Variants in AGBL4 observed in about 807,000 individuals in gnomAD.
The protein encoded by AGBL4 is AGBL carboxypeptidase 4, also known as cytosolic carboxypeptidase 6.
In AGBL4, 58 loss-of-function variants were observed where a neutral mutation model predicts 66.4. The observed-to-expected ratio is 0.87, with a 90% CI of 0.71 to 1.09. The LOEUF is 1.09. AGBL4 is among the 50% of genes least tolerant of loss of function. The probability of loss-of-function intolerance (pLI) is 0.00; values close to 1 mark genes in which losing one functional copy is unlikely to be tolerated. For synonymous variants in AGBL4, 234 were observed against 222.9 expected (o/e 1.05, Z -0.44); for missense variants, 579 against 631.0 (o/e 0.92, Z 0.88).
chr1:49,377,842 G>A (rs754360743), intron 3 of AGBL4, among the ~76,000 whole-genome samples: 2 of 152,064 alleles, frequency 1.3e-5, no homozygotes, highest in African/African-American at 4.8e-5. Flanking sequence ...GCTCCAGAGG[G>A]ATATAGTATT....
intron 4 of AGBL4, among the ~76,000 whole-genome samples, chr1:49,067,677 C>A (rs2147926208): frequency 6.6e-6 from 1 of 152,256 alleles, no homozygotes; most frequent in East Asian, 1.9e-4. Context: ...TTCTTCACAG[C>A]ACTCATCACC....
At chr1:49,871,634 G>A (rs1189786973) in intron 1 of AGBL4, among the ~76,000 whole-genome samples, 1 of 151,958 alleles carries the variant, frequency 6.6e-6, no homozygotes, top group African/African-American at 2.4e-5. Context: ...AATCATATAG[G>A]AAGCACTGTC....
chr1:48,962,572 A>T (rs1658089691), intron 5 of AGBL4, among the ~76,000 whole-genome samples: 1 of 152,146 alleles, frequency 6.6e-6, no homozygotes, highest in Admixed American at 6.5e-5. Flanking sequence ...CAGGTAGCAC[A>T]CAGTTCTTTG....
rs534196456 is a variant in AGBL4 at position 49,075,115 on chromosome 1, A to G, written c.378-29315T>C. ...AAAAATGACATTTTGTCTTTTTTGA[A>G]CATAATGTTTTTTGAACATTTGTGT... is the stretch of plus-strand genomic sequence containing the variant. On this transcript the variant is annotated intron_variant, in intron 4 of 13. Transcript: ENST00000371839. Among the ~76,000 whole-genome samples, 8 of 152,314 alleles carry G rather than the reference A, an allele frequency of 5.3e-5. No individual in the cohort carries two copies. In the East Asian group the frequency reaches 1.5e-3, roughly 29 times the overall value.
intron 5 of AGBL4, among the ~76,000 whole-genome samples, chr1:48,891,244 A>G (rs1650931393): frequency 6.6e-6 from 1 of 152,148 alleles, no homozygotes; most frequent in Non-Finnish European, 1.5e-5. Context: ...CATAGTGTGG[A>G]TCAGGTCACA....
chr1:49,824,070 G>A (rs763792516), intron 2 of AGBL4, among the ~76,000 whole-genome samples: 11 of 152,050 alleles, frequency 7.2e-5, no homozygotes, highest in Non-Finnish European at 1.2e-4. Flanking sequence ...TTAGCCAGGT[G>A]TGGTGGTGCA....
At chr1:49,074,135 G>A (rs1644665219) in intron 4 of AGBL4, among the ~76,000 whole-genome samples, 1 of 152,208 alleles carries the variant, frequency 6.6e-6, no homozygotes, top group Non-Finnish European at 1.5e-5. Context: ...CGCGCTCACA[G>A]CAAGAATTTC....
At chr1:49,321,957 A>G (rs912970740) in intron 3 of AGBL4, among the ~76,000 whole-genome samples, 5 of 152,212 alleles carry the variant, frequency 3.3e-5, no homozygotes, top group Admixed American at 1.3e-4. Context: ...TTTATTTTTC[A>G]GATGGTGTAC....
intron 1 of AGBL4, among the ~76,000 whole-genome samples, chr1:49,894,200 A>G (rs1021458718): frequency 2.6e-4 from 40 of 152,216 alleles, no homozygotes; most frequent in Non-Finnish European, 2.9e-5. Context: ...CACAGCTTAG[A>G]TCACAACACT....
chr1:49,501,783 C>T (rs933044300), intron 3 of AGBL4, among the ~76,000 whole-genome samples: 1 of 151,898 alleles, frequency 6.6e-6, no homozygotes, highest in East Asian at 1.9e-4. Context: ...TTGCTACATT[C>T]CCATAAATTT....
intron 10 of AGBL4, among the ~76,000 whole-genome samples, chr1:48,589,472 A>C (rs1169582972): frequency 1.3e-5 from 2 of 152,210 alleles, no homozygotes; most frequent in Non-Finnish European, 2.9e-5. Flanking sequence ...CATGGAAATA[A>C]CAGGCCCCAG....
intron 5 of AGBL4, among the ~76,000 whole-genome samples, chr1:48,950,664 C>G (rs1656898080): frequency 6.6e-6 from 1 of 152,126 alleles, no homozygotes; most frequent in African/African-American, 2.4e-5. Context: ...GAGCAGCCAG[C>G]TTGAGCCAAA....
At chr1:48,692,763 C>G (rs1646653548) in intron 6 of AGBL4, among the ~76,000 whole-genome samples, 2 of 152,178 alleles carry the variant, frequency 1.3e-5, no homozygotes, top group Admixed American at 6.5e-5. Context: ...TAGTGACCAC[C>G]TCTTTGGCTT....
intron 4 of AGBL4, among the ~76,000 whole-genome samples, chr1:49,197,837 C>T (rs2148222323): frequency 6.6e-6 from 1 of 152,296 alleles, no homozygotes; most frequent in South Asian, 2.1e-4. Context: ...AGAGTCCACA[C>T]TATATTCATT....
At chr1:49,937,517 C>T (rs1654208919) in intron 1 of AGBL4, among the ~76,000 whole-genome samples, 1 of 152,082 alleles carries the variant, frequency 6.6e-6, no homozygotes, top group Non-Finnish European at 1.5e-5. Context: ...AACTCTCCAC[C>T]CCAAATCAAC....
chr1:49,452,732 A>T (rs1366525387), intron 3 of AGBL4, among the ~76,000 whole-genome samples: 1 of 151,832 alleles, frequency 6.6e-6, no homozygotes, highest in Non-Finnish European at 1.5e-5. Context: ...TCCTCTTCTG[A>T]CTATGAGCTC....
At chr1:49,062,773 T>C (rs917904820) in intron 4 of AGBL4, among the ~76,000 whole-genome samples, 1 of 152,218 alleles carries the variant, frequency 6.6e-6, no homozygotes, top group Non-Finnish European at 1.5e-5. Context: ...GTTGAAATGC[T>C]GATTCAAAGG....
intron 4 of AGBL4, among the ~76,000 whole-genome samples, chr1:49,068,294 A>G (rs1357527707): frequency 6.6e-6 from 1 of 151,464 alleles, no homozygotes; most frequent in African/African-American, 2.4e-5. Context: ...GGTTTGTTAC[A>G]TAGGTATACA....
chr1:48,646,513 A>ATGTGTGTGTGTGTGTGTGTGTGTG (rs61233999), intron 8 of AGBL4, among the ~76,000 whole-genome samples: 1 of 131,436 alleles, frequency 7.6e-6, no homozygotes, highest in Non-Finnish European at 1.6e-5. Context: ...ACCAGTTATA[A>ATGTGTGTGTGTGTGTGTGTGTGTG]TGTGTGTGTG....
Sources: allele counts gnomAD v4.1 joint callset (sites outside exome capture counted in the v4.1 genomes callset), GRCh38; gene constraint gnomAD v4.1.1; transcripts MANE v1.5; gene names NCBI Gene and HGNC (gene_info 2026-07-23, HGNC 2026-07-21).